Variants in PRKD2 observed in about 807,000 individuals in gnomAD.
PRKD2 encodes the protein protein kinase D2.
A neutral mutation model predicts 86.0 loss-of-function variants in PRKD2; 22 were observed. The ratio of observed to expected loss-of-function variants is 0.26; its 90% CI spans 0.18 to 0.37. PRKD2 has a LOEUF of 0.37. Among genes scored for constraint, PRKD2 ranks in the 10% least tolerant of loss-of-function variants. PRKD2 has a pLI of 1.00. For synonymous variants in PRKD2, 509 were observed against 510.9 expected, an observed-to-expected ratio of 1.00 and a Z score of 0.05; for missense variants, 818 against 1,199.2, an observed-to-expected ratio of 0.68 and a Z score of 4.70.
chr19:46,711,025 G>A lies in PRKD2; in HGVS notation c.393C>T (p.Phe131=), dbSNP rs1216877513. Residue 131 remains phenylalanine, a synonymous_variant, in exon 3 of 18, where the codon TTC becomes TTT. Transcript: ENST00000291281. ...CGTGCGGGCGGATCTGGAAGTCCTC[G>A]AAGGTGGCCGAGGCTGTAGGCGGAA... ...VEVVLSASAT[F]EDFQIRPHAL... The A allele has an allele frequency of 6.3e-7, 1 of 1,581,704 alleles. No individual in the cohort carries two copies. Among genetic ancestry groups the A allele is most frequent in the Non-Finnish European group, 8.6e-7 (1 of 1,163,812 alleles).
At chr19:46,692,443 T>G (rs2053496901) in intron 10 of PRKD2, among the ~76,000 whole-genome samples, 1 of 151,900 alleles carries the variant, frequency 6.6e-6, no homozygotes, top group Non-Finnish European at 1.5e-5. Context: ...CATTTGAATG[T>G]CTCTCTCTTC....
Position 46,678,820 on chromosome 19 carries a change from A to G in PRKD2, c.2071-157T>C, listed in dbSNP as rs2053252589. On this transcript the variant is annotated intron_variant, in intron 15 of 17. Coordinates refer to ENST00000291281, the MANE Select transcript of PRKD2 (RefSeq NM_016457.5). This position sits in a 1 kb window ranked among gnomAD's most constrained non-coding sequence, Gnocchi z 5.7. Reference sequence around the variant, plus strand: ...CTAGCTGAGCAACCCTGGGCAGGTGACTTCCCCCCTCTGTGCCTCAGTTTC... The same window carrying G: ...CTAGCTGAGCAACCCTGGGCAGGTGGCTTCCCCCCTCTGTGCCTCAGTTTC... Among the ~76,000 whole-genome samples the G allele has an allele frequency of 6.6e-6, 1 of 150,986 alleles. No individual in the cohort carries two copies. The highest frequency in any genetic ancestry group is 1.5e-5 in the Non-Finnish European group (1 of 67,990).
At chr19:46,706,025 T>C (rs1378645804) in intron 3 of PRKD2, among the ~76,000 whole-genome samples, 3 of 151,958 alleles carry the variant, frequency 2.0e-5, no homozygotes, top group Non-Finnish European at 4.4e-5. Flanking sequence ...GCCCAGATAA[T>C]TTTTTTATTT....
At chr19:46,706,852 A>C (rs1034777044) in intron 3 of PRKD2, among the ~76,000 whole-genome samples, 2 of 151,930 alleles carry the variant, frequency 1.3e-5, no homozygotes, top group Non-Finnish European at 2.9e-5. Flanking sequence ...TTTGGACTGC[A>C]TGATGATCTG....
At chr19:46,694,165 T>C (rs746847165) in intron 9 of PRKD2, 32 bp from the exon 10 acceptor site, 8 of 1,605,544 alleles carry the variant, frequency 5.0e-6, no homozygotes, top group African/African-American at 4.0e-5. Context: ...CAGGTGAGGA[T>C]GCCAGGCAGA....
intron 3 of PRKD2, among the ~76,000 whole-genome samples, chr19:46,705,087 C>T (rs1182429910): frequency 6.6e-6 from 1 of 152,036 alleles, no homozygotes; most frequent in Non-Finnish European, 1.5e-5. Flanking sequence ...AAAGCTCCAC[C>T]CCTAGTTCCA....
intron 16 of PRKD2, among the ~76,000 whole-genome samples, chr19:46,677,650 A>C (rs1012570354): frequency 6.6e-6 from 1 of 152,100 alleles, no homozygotes; most frequent in African/African-American, 2.4e-5. Context: ...ATTCCCAAGT[A>C]GGTTCAAGTC....
rs1171925107 is a variant in PRKD2 at position 46,678,293 on chromosome 19, G to A, written c.2338+103C>T. On this transcript the variant is annotated intron_variant, in intron 16 of 17. Coordinates refer to ENST00000291281, the MANE Select transcript of PRKD2 (RefSeq NM_016457.5). The surrounding 1 kb of genome is among the most constrained non-coding windows in gnomAD (Gnocchi z 5.7). ...CCCAGCACTGGGCTCCACCCCCAAG[G>A]TGCCAGGCTGTTTCCGGGTCCACCC... 1.2e-5 allele frequency: 18 copies of A among 1,495,056 alleles called. No homozygotes were observed. The South Asian group carries it at 1.9e-4, about 16-fold the overall frequency. 92.6% of individuals were successfully genotyped at this position (1,495,056 alleles called of 1,614,324 possible). A position where few individuals can be genotyped will look rare whatever the true frequency, so the allele number is the denominator to read the frequency against.
At chr19:46,690,555 C>A (rs1188224690) in intron 13 of PRKD2, 45 bp downstream of exon 13, 3 of 1,581,982 alleles carry the variant, frequency 1.9e-6, no homozygotes, top group Non-Finnish European at 2.6e-6. Flanking sequence ...GGTCAGCTGG[C>A]CCATGAAAGG....
chr19:46,680,963 T>TA (rs2053296205), intron 15 of PRKD2, among the ~76,000 whole-genome samples: 5 of 118,346 alleles, frequency 4.2e-5, no homozygotes, highest in Middle Eastern at 4.6e-3. Flanking sequence ...TTTTTTTTTT[T>TA]GAGACAGAGT....
chr19:46,716,085 CCTT>C lies in PRKD2; in HGVS notation c.240+43_240+45del, dbSNP rs1568741557. On this transcript the variant is annotated intron_variant, in intron 1 of 17. Transcript: ENST00000291281. This position sits in a 1 kb window ranked among gnomAD's most constrained non-coding sequence, Gnocchi z 7.9. ...CCAGACCCCTCTGCCAGCGCCCCCT[CCTT>C]CAACCTCTCCCCGAGCTGGATCCAG... 5 of 1,600,590 alleles carry C rather than the reference CCTT, an allele frequency of 3.1e-6. No individual in the cohort carries two copies. Among genetic ancestry groups the C allele is most frequent in the Non-Finnish European group, 4.3e-6 (5 of 1,174,296 alleles).
In PRKD2 at chr19:46,694,080, A is replaced by G. The variant is rs1241584396; in HGVS notation, c.1371T>C (p.Leu457=). The change falls in exon 10 of 18, where the codon CTT becomes CTC. Residue 457 remains leucine, a synonymous_variant. Coordinates refer to ENST00000291281, the MANE Select transcript of PRKD2 (RefSeq NM_016457.5). ...LTVESAQNFS[L]VPPGTNPHCF... ...AGTGTGGGTTGGTGCCCGGCGGCACAAGGCTGAAGTTCTGGGCGGACTCCA... is the reference window on the plus strand; with the variant it reads ...AGTGTGGGTTGGTGCCCGGCGGCACGAGGCTGAAGTTCTGGGCGGACTCCA... 2 of 1,614,184 alleles carry G rather than the reference A, an allele frequency of 1.2e-6. No individual in the cohort carries two copies. Among genetic ancestry groups the G allele is most frequent in the Admixed American group, 1.7e-5 (1 of 60,028 alleles).
intron 7 of PRKD2, among the ~76,000 whole-genome samples, chr19:46,700,372 G>GC: frequency 6.6e-6 from 1 of 151,620 alleles, no homozygotes. Flanking sequence ...GGGCAACAAA[G>GC]CAAGACCCTT....
intron 1 of PRKD2, 45 bp from the exon 2 acceptor site, chr19:46,714,046 G>A: frequency 6.3e-7 from 1 of 1,594,826 alleles, no homozygotes; most frequent in Admixed American, 1.7e-5. Flanking sequence ...GCTCAGAGCC[G>A]CCTTCAGCAG....
Position 46,678,722 on chromosome 19 carries a change from T to C in PRKD2, c.2071-59A>G. The C allele has an allele frequency of 6.5e-7, 1 of 1,534,598 alleles. No homozygotes were observed. Among genetic ancestry groups the C allele is most frequent in the Non-Finnish European group, 8.8e-7 (1 of 1,136,258 alleles). On this transcript the variant is annotated intron_variant, in intron 15 of 17. Transcript: ENST00000291281. The surrounding 1 kb of genome is among the most constrained non-coding windows in gnomAD (Gnocchi z 5.7). ...TGATGGAGCCGCACCCACCCCAGCATCCCCACCACACCACCCTCCATGGTA... is the reference window on the plus strand; with the variant it reads ...TGATGGAGCCGCACCCACCCCAGCACCCCCACCACACCACCCTCCATGGTA...
intron 14 of PRKD2, among the ~76,000 whole-genome samples, chr19:46,683,153 C>T (rs1434913513): frequency 6.9e-6 from 1 of 144,320 alleles, no homozygotes; most frequent in East Asian, 2.1e-4. Context: ...ACCACCATGT[C>T]GGGCTTTGAT....
rs28703011 is a variant in PRKD2, at chr19:46,705,649, T to C, written c.512-1000A>G. Reference sequence around the variant, plus strand: ...TAAAAATACAAAACTTAGCCGGGTGTAGTGGCACACGCCTGTAATCCCAGC... The same window carrying C: ...TAAAAATACAAAACTTAGCCGGGTGCAGTGGCACACGCCTGTAATCCCAGC... On this transcript the variant is annotated intron_variant, in intron 3 of 17. Transcript: ENST00000291281. Among the ~76,000 whole-genome samples, 1,239 of 152,156 alleles carry C rather than the reference T, an allele frequency of 8.1e-3. 25 individuals are homozygous for C. Among genetic ancestry groups the C allele is most frequent in the East Asian group, 0.053 (274 of 5,154 alleles).
chr19:46,695,556 G>A (rs745694157), intron 9 of PRKD2, among the ~76,000 whole-genome samples: 25 of 152,230 alleles, frequency 1.6e-4, no homozygotes, highest in Non-Finnish European at 3.4e-4. Context: ...GAAGAGCCTG[G>A]GCTTTGTCCA....
At position 46,700,876 on chromosome 19, in the gene PRKD2, A is replaced by G. The variant is rs1783820994; in HGVS notation, c.1044T>C (p.Gly348=). The change falls in exon 7 of 18, where the codon GGT becomes GGC. Residue 348 remains glycine (G), a synonymous_variant. Transcript: ENST00000291281. The part of the protein sequence containing the change: ...SALMDESEDS[G]VIPGSHSENA... ...TCTCTGAGTGGGAGCCAGGGATGAC[A>G]CCGGAGTCCTCTGACTCATCCATGA... The G allele has an allele frequency of 8.1e-6, 13 of 1,614,196 alleles. No individual in the cohort carries two copies. The highest frequency in any genetic ancestry group is 1.1e-5 in the Non-Finnish European group (13 of 1,180,018).
Sources: allele counts gnomAD v4.1 joint callset (sites outside exome capture counted in the v4.1 genomes callset), GRCh38; gene constraint gnomAD v4.1.1; non-coding constraint Gnocchi (gnomAD v3.1); transcripts MANE v1.5; gene names NCBI Gene and HGNC (gene_info 2026-07-23, HGNC 2026-07-21).